Variants in MAMLD1 observed in about 807,000 individuals in gnomAD.
The protein encoded by MAMLD1 is mastermind like domain containing 1.
MAMLD1 carries 14 observed loss-of-function variants against 45.0 expected under a neutral mutation model. The ratio of observed to expected loss-of-function variants is 0.31; its 90% CI spans 0.21 to 0.49. The LOEUF (loss-of-function observed/expected upper bound fraction) is 0.49, where lower values mean the gene tolerates loss of function less well. Among genes scored for constraint, MAMLD1 ranks in the 20% least tolerant of loss-of-function variants. The pLI is 0.99. For synonymous variants in MAMLD1, 254 were observed against 247.8 expected (o/e 1.02, Z -0.24); for missense variants, 543 against 603.6 (o/e 0.90, Z 1.05).
chrX:150,414,007 T>G (rs1374402448), intron 1 of MAMLD1, among the ~76,000 whole-genome samples: 85 of 58,229 alleles, frequency 1.5e-3, no homozygotes, highest in African/African-American at 5.5e-3. Context: ...TCATGGAGCA[T>G]TAAGGAACCA....
chrX:150,506,982 C>G (rs1021625269), intron 6 of MAMLD1, among the ~76,000 whole-genome samples: 3 of 112,476 alleles, frequency 2.7e-5, no homozygotes, highest in African/African-American at 9.7e-5. Context: ...CCTTGTCTGA[C>G]AGTGGGGGCT....
At chrX:150,474,579 C>T (rs975055501) in intron 5 of MAMLD1, among the ~76,000 whole-genome samples, 2 of 111,887 alleles carry the variant, frequency 1.8e-5, no homozygotes, top group East Asian at 5.6e-4. Flanking sequence ...AGACACAAGC[C>T]ACGCTATCTC....
chrX:150,396,972 G>T (rs781885745), intron 1 of MAMLD1, among the ~76,000 whole-genome samples: 1 of 111,988 alleles, frequency 8.9e-6, no homozygotes, highest in African/African-American at 3.2e-5. Context: ...GTTTGTTTCT[G>T]TAGTTTGCTT....
chrX:150,487,049 G>A (rs12556874), intron 5 of MAMLD1, among the ~76,000 whole-genome samples: 2 of 111,866 alleles, frequency 1.8e-5, no homozygotes, highest in Admixed American at 1.9e-4. Context: ...ACAGATACAG[G>A]TGGGGCCCTG....
At chrX:150,407,038 T>C (rs2034015623) in intron 1 of MAMLD1, among the ~76,000 whole-genome samples, 1 of 111,220 alleles carries the variant, frequency 9.0e-6, no homozygotes, top group Non-Finnish European at 1.9e-5. Flanking sequence ...AAAAGTTTCA[T>C]TATACCTGAA....
chrX:150,491,081 G>A (rs1212511), intron 5 of MAMLD1, among the ~76,000 whole-genome samples: 11,110 of 110,888 alleles, frequency 0.1, 478 homozygotes, highest in Admixed American at 0.18. Context: ...GGGCTGAACC[G>A]GACCTTGCAA....
intron 1 of MAMLD1, among the ~76,000 whole-genome samples, chrX:150,406,456 C>T (rs1889308922): frequency 9.0e-6 from 1 of 111,622 alleles, no homozygotes; most frequent in African/African-American, 3.3e-5. Context: ...CCCCACATCC[C>T]AAGCTGCAGC....
At chrX:150,372,171 A>G (rs782422995) in intron 1 of MAMLD1, among the ~76,000 whole-genome samples, 1 of 112,460 alleles carries the variant, frequency 8.9e-6, no homozygotes, top group Non-Finnish European at 1.9e-5. Context: ...TTTGCTCAGC[A>G]TTGTTAGGAC....
At chrX:150,446,172 T>C (rs1327308549) in intron 2 of MAMLD1, among the ~76,000 whole-genome samples, 1 of 111,856 alleles carries the variant, frequency 8.9e-6, no homozygotes, top group Admixed American at 9.5e-5. Context: ...AGGATGATGA[T>C]AGAAGGGACT....
At chrX:150,373,174 G>A (rs868953285) in intron 1 of MAMLD1, among the ~76,000 whole-genome samples, 3 of 111,460 alleles carry the variant, frequency 2.7e-5, no homozygotes, top group Admixed American at 9.5e-5. Flanking sequence ...CTTCCTGGGC[G>A]TCCCGCACCA....
chrX:150,439,858 G>T (rs2035238710), intron 1 of MAMLD1, among the ~76,000 whole-genome samples: 1 of 111,168 alleles, frequency 9.0e-6, no homozygotes, highest in Admixed American at 9.5e-5. Context: ...TGAGGCAGGA[G>T]AATCGCTTGA....
intron 1 of MAMLD1, among the ~76,000 whole-genome samples, chrX:150,411,871 G>T (rs1378101323): frequency 8.0e-5 from 9 of 112,034 alleles, no homozygotes; most frequent in African/African-American, 2.9e-4. Flanking sequence ...GGCTGCCAGT[G>T]AATGGAATTC....
chrX:150,478,549 A>T (rs910075897), intron 5 of MAMLD1, among the ~76,000 whole-genome samples: 3 of 112,175 alleles, frequency 2.7e-5, no homozygotes, highest in Non-Finnish European at 1.9e-5. Context: ...GGCGAGAAAC[A>T]TCACAGATTT....
At chrX:150,481,552 G>A (rs2036756702) in intron 5 of MAMLD1, among the ~76,000 whole-genome samples, 1 of 111,841 alleles carries the variant, frequency 8.9e-6, no homozygotes, top group South Asian at 3.7e-4. Context: ...AAGCAAGGCT[G>A]GACACAGTGG....
At position 150,462,769 on chromosome X, in the gene MAMLD1, C is replaced by T. The variant is rs374948357; in HGVS notation, c.97-3C>T. ...GCTCTCCTCAGCCTACTCTCACCCCCAGGGAAAGAAGCCCTCGTGGATGGA... is the reference window on the plus strand; with the variant it reads ...GCTCTCCTCAGCCTACTCTCACCCCTAGGGAAAGAAGCCCTCGTGGATGGA... On this transcript the variant is annotated splice_region_variant and splice_polypyrimidine_tract_variant and intron_variant, in intron 2 of 7. Transcript: ENST00000370401. 5.0e-6 allele frequency: 6 copies of T among 1,205,716 alleles called. No individual in the cohort carries two copies. In the East Asian group the frequency reaches 1.2e-4, roughly 24 times the overall value.
chrX:150,375,143 G>C (rs782324138), intron 1 of MAMLD1, among the ~76,000 whole-genome samples: 22 of 111,131 alleles, frequency 2.0e-4, no homozygotes, highest in Non-Finnish European at 3.6e-4. Context: ...TCATGGCAAG[G>C]CCACGAGGGC....
At chrX:150,428,528 A>G (rs1358627825) in intron 1 of MAMLD1, among the ~76,000 whole-genome samples, 1 of 112,245 alleles carries the variant, frequency 8.9e-6, no homozygotes, top group African/African-American at 3.2e-5. Flanking sequence ...CTTCCTGGGC[A>G]GGTGCTCATG....
chrX:150,370,792 C>G (rs1007928887), intron 1 of MAMLD1, among the ~76,000 whole-genome samples: 7 of 111,773 alleles, frequency 6.3e-5, no homozygotes, highest in Admixed American at 2.8e-4. Context: ...TTATAACATC[C>G]AAAGCAATCA....
At chrX:150,478,579 G>A (rs782116403) in intron 5 of MAMLD1, among the ~76,000 whole-genome samples, 1 of 112,113 alleles carries the variant, frequency 8.9e-6, no homozygotes, top group Admixed American at 9.4e-5. Context: ...GGTTAGTCCT[G>A]CTAAAATGCA....
Sources: allele counts gnomAD v4.1 joint callset (sites outside exome capture counted in the v4.1 genomes callset), GRCh38; gene constraint gnomAD v4.1.1; transcripts MANE v1.5; gene names NCBI Gene and HGNC (gene_info 2026-07-23, HGNC 2026-07-21).